Variants in DTL observed in about 807,000 individuals in gnomAD.
DTL encodes denticleless E3 ubiquitin protein ligase adapter.
A neutral mutation model predicts 87.0 loss-of-function variants in DTL; 46 were observed. That is an observed-to-expected ratio of 0.53 (90% CI 0.42 to 0.68). The LOEUF (loss-of-function observed/expected upper bound fraction) is 0.68. Among genes scored for constraint, DTL ranks in the 30% least tolerant of loss-of-function variants. The probability of loss-of-function intolerance (pLI) is 0.00; values close to 1 mark genes in which losing one functional copy is unlikely to be tolerated. For synonymous variants in DTL, 308 were observed against 311.2 expected (o/e 0.99, Z 0.11); for missense variants, 737 against 869.4 (o/e 0.85, Z 1.91).
rs932537250 is a variant in DTL, at chr1:212,072,296, A to G, written c.1035+83A>G. 4 of 1,069,958 alleles carry G rather than the reference A, an allele frequency of 3.7e-6. No homozygotes were observed. In the Admixed American group the frequency reaches 5.2e-5, roughly 14 times the overall value. The allele number at this position is 1,069,958 out of a possible 1,614,324, so 66.3% of individuals were successfully genotyped here. On this transcript the variant is annotated intron_variant, in intron 11 of 14. Coordinates refer to ENST00000366991, the MANE Select transcript of DTL (RefSeq NM_016448.4). Reference sequence around the variant, plus strand: ...TTCTGTCCAATATGAGATAAGTTTAATGTAACCACGTGCTATACTATTCCT... The same window carrying G: ...TTCTGTCCAATATGAGATAAGTTTAGTGTAACCACGTGCTATACTATTCCT...
chr1:212,073,688 A>G (rs1384232335), intron 11 of DTL, among the ~76,000 whole-genome samples: 1 of 152,174 alleles, frequency 6.6e-6, no homozygotes, highest in Non-Finnish European at 1.5e-5. Flanking sequence ...ATATTGCTCT[A>G]TCCAAGATGC....
intron 13 of DTL, among the ~76,000 whole-genome samples, chr1:212,095,791 G>A (rs1307308930): frequency 6.6e-6 from 1 of 152,054 alleles, no homozygotes; most frequent in Non-Finnish European, 1.5e-5. Flanking sequence ...TTTTGTTGAG[G>A]ATTTTTGCAT....
At chr1:212,052,163 A>G (rs1482215461) in intron 5 of DTL, among the ~76,000 whole-genome samples, 1 of 152,070 alleles carries the variant, frequency 6.6e-6, no homozygotes, top group South Asian at 2.1e-4. Context: ...ATTTCCCTGT[A>G]TATAATATGC....
At chr1:212,073,787 C>A (rs976959639) in intron 11 of DTL, among the ~76,000 whole-genome samples, 4 of 152,106 alleles carry the variant, frequency 2.6e-5, no homozygotes, top group Admixed American at 6.5e-5. Context: ...TTGACTCCAT[C>A]ACAAGATGGA....
At chr1:212,080,528 C>T in intron 12 of DTL, 87 bp from the exon 13 acceptor site, 2 of 1,232,970 alleles carry the variant, frequency 1.6e-6, no homozygotes, top group Admixed American at 2.2e-5. Context: ...ATTATCCAGT[C>T]ACAAGGCCTT....
chr1:212,070,419 G>C (rs1571962622), intron 10 of DTL, among the ~76,000 whole-genome samples: 1 of 152,050 alleles, frequency 6.6e-6, no homozygotes, highest in Admixed American at 6.6e-5. Flanking sequence ...GACCAGCCTG[G>C]GCAACATGGT....
chr1:212,067,333 T>C (rs1417336437), intron 8 of DTL, among the ~76,000 whole-genome samples: 1 of 152,164 alleles, frequency 6.6e-6, no homozygotes, highest in East Asian at 1.9e-4. Flanking sequence ...TCTAACTAGA[T>C]TGATGATAGT....
chr1:212,086,965 T>C (rs377599423), intron 13 of DTL, among the ~76,000 whole-genome samples: 18 of 152,374 alleles, frequency 1.2e-4, no homozygotes, highest in East Asian at 7.7e-4. Flanking sequence ...TGCCATTAAT[T>C]ATCCTTAGTA....
At chr1:212,099,379 G>T (rs1436571855) in intron 13 of DTL, 1 of 152,412 alleles carries the variant, frequency 6.6e-6, no homozygotes, top group African/African-American at 2.4e-5. Context: ...GACTACAGGT[G>T]CACACCACCA....
chr1:212,040,872 A>C (rs1667618816), intron 1 of DTL, among the ~76,000 whole-genome samples: 1 of 152,190 alleles, frequency 6.6e-6, no homozygotes, highest in Non-Finnish European at 1.5e-5. Flanking sequence ...ACAATTTAAA[A>C]CATGAATTGT....
intron 8 of DTL, among the ~76,000 whole-genome samples, chr1:212,067,245 T>C (rs1654534895): frequency 6.6e-6 from 1 of 152,214 alleles, no homozygotes; most frequent in African/African-American, 2.4e-5. Flanking sequence ...TACTTTGGGT[T>C]TTGTCTTTTT....
At chr1:212,046,537 C>G (rs1335061743) in intron 3 of DTL, among the ~76,000 whole-genome samples, 1 of 151,752 alleles carries the variant, frequency 6.6e-6, no homozygotes, top group East Asian at 2.0e-4. Flanking sequence ...TGAGAACATA[C>G]GGTGTTTGGT....
chr1:212,036,919 T>C (rs1023110676), intron 1 of DTL, among the ~76,000 whole-genome samples: 2 of 152,176 alleles, frequency 1.3e-5, no homozygotes, highest in Admixed American at 6.5e-5. Flanking sequence ...GAAAATAATA[T>C]TGAGAAAGAG....
chr1:212,059,641 T>C (rs1379357304), intron 5 of DTL, among the ~76,000 whole-genome samples: 3 of 152,038 alleles, frequency 2.0e-5, no homozygotes, highest in African/African-American at 7.2e-5. Context: ...TCACCACTCC[T>C]ATTCAACATG....
intron 5 of DTL, among the ~76,000 whole-genome samples, chr1:212,060,245 T>C (rs186332163): frequency 6.6e-6 from 1 of 151,932 alleles, no homozygotes; most frequent in East Asian, 1.9e-4. Context: ...ATAGCTAATA[T>C]AATAACTAAA....
Position 212,065,011 on chromosome 1 carries a change from A to G in DTL, c.621A>G (p.Lys207=). The change falls in exon 7 of 15, where the codon AAA becomes AAG. Residue 207 remains lysine (K), a synonymous_variant. Coordinates refer to ENST00000366991, the MANE Select transcript of DTL (RefSeq NM_016448.4). ...PSKPKKKQNS[K]GLAPSVDFQQ... ...AACCCAAGAAGAAACAGAATTCAAA[A>G]GGACTTGCTCCTTCTGTGGTAAGGT... The G allele has an allele frequency of 2.5e-6, 4 of 1,613,746 alleles. No homozygotes were observed. Among genetic ancestry groups the G allele is most frequent in the South Asian group, 1.1e-5 (1 of 91,066 alleles).
At chr1:212,065,708 A>G (rs893656894) in intron 7 of DTL, among the ~76,000 whole-genome samples, 5 of 152,050 alleles carry the variant, frequency 3.3e-5, no homozygotes, top group African/African-American at 1.2e-4. Context: ...CTACAGAAAA[A>G]TATGTTTTTT....
intron 13 of DTL, among the ~76,000 whole-genome samples, chr1:212,081,337 A>G (rs949397527): frequency 6.6e-6 from 1 of 152,212 alleles, no homozygotes; most frequent in African/African-American, 2.4e-5. Context: ...CATGCTTGGC[A>G]TATTTTCTCT....
chr1:212,072,183 C>T lies in DTL; in HGVS notation c.1005C>T (p.Gly335=). ...CAGATGACCAGTTTTTAGTCAGTGG[C>T]TCAAGTGATGAAGCTGCCTACATAT... ...LSPDDQFLVS[G]SSDEAAYIWK... The change falls in exon 11 of 15, where the codon GGC becomes GGT. Residue 335 remains glycine (G), a synonymous_variant. Transcript: ENST00000366991. 6.2e-7 allele frequency: 1 copy of T among 1,613,904 alleles called. No homozygotes were observed. Among genetic ancestry groups the T allele is most frequent in the Non-Finnish European group, 8.5e-7 (1 of 1,179,860 alleles).
Sources: allele counts gnomAD v4.1 joint callset (sites outside exome capture counted in the v4.1 genomes callset), GRCh38; gene constraint gnomAD v4.1.1; transcripts MANE v1.5; gene names NCBI Gene and HGNC (gene_info 2026-07-23, HGNC 2026-07-21).